BBOX1: variants seen among roughly 807,000 people sequenced by gnomAD.
The protein encoded by BBOX1 is gamma-butyrobetaine hydroxylase 1, also known as gamma-butyrobetaine dioxygenase.
In BBOX1, 35 loss-of-function variants were observed where a neutral mutation model predicts 41.6. The observed-to-expected ratio is 0.84, with a 90% confidence interval of 0.64 to 1.11. The LOEUF (loss-of-function observed/expected upper bound fraction) is 1.11. Among genes scored for constraint, BBOX1 ranks in the 50% most tolerant of loss-of-function variants. BBOX1 has a pLI of 0.00. For missense variants in BBOX1, 458 were observed against 460.6 expected, an observed-to-expected ratio of 0.99 and a Z score of 0.05; for synonymous variants, 163 against 154.7, an observed-to-expected ratio of 1.05 and a Z score of -0.40.
chr11:27,123,847 T>C (rs1198523223), intron 7 of BBOX1, among the ~76,000 whole-genome samples: 5 of 152,210 alleles, frequency 3.3e-5, no homozygotes, highest in Non-Finnish European at 5.9e-5. Context: ...CTCCATTACC[T>C]AGTGAGTCAC....
At chr11:27,063,763 G>A (rs542945924) in intron 4 of BBOX1, among the ~76,000 whole-genome samples, 21 of 151,896 alleles carry the variant, frequency 1.4e-4, no homozygotes, top group African/African-American at 4.3e-4. Flanking sequence ...TAGCTATAAC[G>A]CACTCCTTTG....
rs73448741 is a variant in BBOX1, at chr11:27,049,363, T to C, written c.-38-6030T>C. Among the ~76,000 whole-genome samples, 494 of 152,260 alleles carry C rather than the reference T, an allele frequency of 3.2e-3. 3 individuals carry two copies. Among genetic ancestry groups the C allele is most frequent in the African/African-American group, 0.011 (476 of 41,570 alleles). On this transcript the variant is annotated intron_variant, in intron 2 of 8. Coordinates refer to ENST00000263182, the MANE Select transcript of BBOX1 (RefSeq NM_003986.3). ...TTTATATACCTGCTGGCCATTTATA[T>C]GTCTTCTTTAGAGAAATGTCTATTC...
At chr11:27,099,476 A>G (rs1384164724) in intron 5 of BBOX1, among the ~76,000 whole-genome samples, 3 of 151,982 alleles carry the variant, frequency 2.0e-5, no homozygotes, top group Non-Finnish European at 4.4e-5. Flanking sequence ...TTTATCTTGT[A>G]TAGCACTGCA....
chr11:27,047,350 G>C (rs905942534), intron 2 of BBOX1: 1 of 152,178 alleles, frequency 6.6e-6, no homozygotes, highest in African/African-American at 2.4e-5. Context: ...CAGATAGAAA[G>C]CTCAAAACAG....
chr11:27,074,225 G>A (rs781781685), intron 4 of BBOX1, among the ~76,000 whole-genome samples: 21 of 151,924 alleles, frequency 1.4e-4, no homozygotes, highest in Non-Finnish European at 1.9e-4. Context: ...AATTAAACCC[G>A]CTTTCCTTCA....
intron 4 of BBOX1, among the ~76,000 whole-genome samples, chr11:27,069,357 TG>T (rs1262533337): frequency 6.7e-5 from 10 of 149,026 alleles, no homozygotes; most frequent in African/African-American, 2.5e-4. Context: ...ACTGAGTTCA[TG>T]GTTTGATTTT....
At chr11:27,124,362 G>A (rs1024763412) in intron 7 of BBOX1, among the ~76,000 whole-genome samples, 1 of 152,110 alleles carries the variant, frequency 6.6e-6, no homozygotes, top group Non-Finnish European at 1.5e-5. Flanking sequence ...AAAAGATAAA[G>A]TTGACTGACA....
intron 5 of BBOX1, among the ~76,000 whole-genome samples, chr11:27,097,145 G>A (rs760001018): frequency 8.6e-5 from 13 of 151,880 alleles, no homozygotes; most frequent in African/African-American, 2.7e-4. Context: ...ACAACCTTTC[G>A]AGAATTTAAA....
intron 2 of BBOX1, among the ~76,000 whole-genome samples, chr11:27,047,963 T>C (rs942600576): frequency 6.6e-6 from 1 of 152,224 alleles, no homozygotes; most frequent in Non-Finnish European, 1.5e-5. Context: ...TTTATGTTGT[T>C]ATTTTTCCTG....
intron 7 of BBOX1, 99 bp from the exon 8 acceptor site, chr11:27,125,555 T>C: frequency 1.9e-6 from 2 of 1,044,204 alleles, no homozygotes; most frequent in Non-Finnish European, 1.3e-6. Flanking sequence ...GATTTTTTAA[T>C]ATGGTGTTTC....
At chr11:27,048,130 G>A (rs978501952) in intron 2 of BBOX1, among the ~76,000 whole-genome samples, 3 of 152,002 alleles carry the variant, frequency 2.0e-5, no homozygotes, top group Non-Finnish European at 2.9e-5. Flanking sequence ...GAACACTTGA[G>A]ATCTACTCTT....
chr11:27,120,138 C>G (rs1400613962), intron 7 of BBOX1, among the ~76,000 whole-genome samples: 1 of 151,988 alleles, frequency 6.6e-6, no homozygotes, highest in Non-Finnish European at 1.5e-5. Flanking sequence ...AGTTAGAAGG[C>G]TTTTGGCCAG....
Position 27,119,650 on chromosome 11 carries a change from T to G in BBOX1, c.641T>G (p.Val214Gly). Reference protein sequence around the residue: ...DYPALHHPPGVQLLHCIKQTV... With the variant: ...DYPALHHPPGGQLLHCIKQTV... Reference sequence around the variant, plus strand: ...ATAATGCATATTTTCTTTTTATAGGTTCAGCTTCTTCACTGCATAAAGCAA... The same window carrying G: ...ATAATGCATATTTTCTTTTTATAGGGTCAGCTTCTTCACTGCATAAAGCAA... Residue 214 changes from valine (V) to glycine (G), a missense_variant and splice_region_variant, in exon 7 of 9, where the codon GTT (valine) becomes GGT (glycine). Coordinates refer to ENST00000263182, the MANE Select transcript of BBOX1 (RefSeq NM_003986.3). The G allele has an allele frequency of 7.0e-7, 1 of 1,420,916 alleles. No individual in the cohort carries two copies. Among genetic ancestry groups the G allele is most frequent in the Non-Finnish European group, 9.2e-7 (1 of 1,085,854 alleles). 88.0% of individuals were successfully genotyped at this position (1,420,916 alleles called of 1,614,324 possible). A position where few individuals can be genotyped will look rare whatever the true frequency, so the allele number is the denominator to read the frequency against.
chr11:27,102,737 G>A (rs543917423), intron 5 of BBOX1, among the ~76,000 whole-genome samples: 2 of 152,130 alleles, frequency 1.3e-5, no homozygotes, highest in South Asian at 4.2e-4. Flanking sequence ...TCCTAAGGAA[G>A]GCCTCATAGG....
chr11:27,077,446 G>A (rs1857670959), intron 4 of BBOX1, among the ~76,000 whole-genome samples: 1 of 152,036 alleles, frequency 6.6e-6, no homozygotes, highest in African/African-American at 2.4e-5. Flanking sequence ...CTGGCTTACA[G>A]TGAAGACTAC....
intron 4 of BBOX1, among the ~76,000 whole-genome samples, chr11:27,074,465 A>C (rs1388696887): frequency 6.6e-6 from 1 of 152,100 alleles, no homozygotes; most frequent in Non-Finnish European, 1.5e-5. Context: ...AAATGCTGAT[A>C]GTGATATGGA....
rs1851341158 is a variant in BBOX1, at chr11:27,041,246, G to T, written c.-271G>T. The T allele has an allele frequency of 6.8e-6, 1 of 146,592 alleles. No individual in the cohort carries two copies. Among genetic ancestry groups the T allele is most frequent in the African/African-American group, 2.6e-5 (1 of 39,194 alleles). 9.1% of individuals were successfully genotyped at this position (146,592 alleles called of 1,614,324 possible). A position where few individuals can be genotyped will look rare whatever the true frequency, so the allele number is the denominator to read the frequency against. On this transcript the variant is annotated 5_prime_UTR_variant, in exon 2 of 9. Transcript: ENST00000263182. ...AAAAACAAAGACAAAAAACCTCCAA[G>T]CTCCCTTCAGTAGTTGCTACACCTT...
Position 27,055,381 on chromosome 11 carries a change from GA to G in BBOX1, c.-38-11del. ...TCTGCCTGAGATTCCTTTTAACACTGATTTGTCATAGCAGGTAGCTGACAGC... is the reference window on the plus strand; with the variant it reads ...TCTGCCTGAGATTCCTTTTAACACTGTTTGTCATAGCAGGTAGCTGACAGC... On this transcript the variant is annotated splice_polypyrimidine_tract_variant and intron_variant, in intron 2 of 8. Coordinates refer to ENST00000263182, the MANE Select transcript of BBOX1 (RefSeq NM_003986.3). 1 of 1,573,558 alleles carries G rather than the reference GA, an allele frequency of 6.4e-7. No individual in the cohort carries two copies. Among genetic ancestry groups the G allele is most frequent in the Non-Finnish European group, 8.7e-7 (1 of 1,147,404 alleles).
intron 7 of BBOX1, among the ~76,000 whole-genome samples, chr11:27,125,311 T>C (rs538938918): frequency 6.6e-6 from 1 of 152,286 alleles, no homozygotes; most frequent in Admixed American, 6.5e-5. Flanking sequence ...GACCTATAAA[T>C]TTGTAACATG....
Sources: gnomAD v4.1 joint callset for allele counts (sites outside exome capture counted in the v4.1 genomes callset) on GRCh38, gnomAD v4.1.1 for gene constraint, MANE v1.5 for transcripts, NCBI Gene and HGNC (gene_info 2026-07-23, HGNC 2026-07-21) for gene names.